The following DSCAML1 variants were observed in gnomAD, a reference collection of about 807,000 sequenced individuals.
DSCAML1 encodes DS cell adhesion molecule like 1, also known as cell adhesion molecule DSCAML1.
In DSCAML1, 38 loss-of-function variants were observed where a neutral mutation model predicts 200.5. The observed-to-expected ratio is 0.19, with a 90% CI of 0.15 to 0.25. DSCAML1 has a LOEUF of 0.25. DSCAML1 is among the 10% of genes least tolerant of loss of function. DSCAML1 has a pLI of 1.00. For missense variants in DSCAML1, 2,223 were observed against 2,858.8 expected (o/e 0.78, Z 5.07); for synonymous variants, 1,215 against 1,165.0 (o/e 1.04, Z -0.87).
At position 117,437,619 on chromosome 11, in the gene DSCAML1, G is replaced by A. The variant is rs2047947385; in HGVS notation, c.4433-210C>T. Among the ~76,000 whole-genome samples, 3 of 152,270 alleles carry A rather than the reference G, an allele frequency of 2.0e-5. No homozygotes were observed. In the South Asian group the frequency reaches 6.2e-4, roughly 32 times the overall value. ...GAGAGGGAAGAAAAGGGCAGGGCCT[G>A]GAGAGGGGCCTCAGTAGAGGAGGAA... On this transcript the variant is annotated intron_variant, in intron 25 of 32. Transcript: ENST00000651296. This position sits in a 1 kb window ranked among gnomAD's most constrained non-coding sequence, Gnocchi z 5.3.
chr11:117,628,913 C>T (rs2052111410), intron 3 of DSCAML1, among the ~76,000 whole-genome samples: 1 of 152,152 alleles, frequency 6.6e-6, no homozygotes, highest in South Asian at 2.1e-4. Flanking sequence ...AGACTCTAGG[C>T]TGCCTGGCTC....
At chr11:117,799,447 G>C (rs1434919689), upstream of DSCAML1, among the ~76,000 whole-genome samples, 1 of 152,108 alleles carries the variant, frequency 6.6e-6, no homozygotes, top group Non-Finnish European at 1.5e-5. Context: ...AGTGTAGGAG[G>C]CTTTATGCTA....
intron 1 of DSCAML1, among the ~76,000 whole-genome samples, chr11:117,785,805 T>TA (rs1211643557): frequency 3.1e-4 from 47 of 152,182 alleles, no homozygotes; most frequent in Admixed American, 3.1e-3. Flanking sequence ...TTTGACCATT[T>TA]AATCCTCACA....
chr11:117,790,594 G>A (rs2055443551), intron 1 of DSCAML1, among the ~76,000 whole-genome samples: 1 of 152,168 alleles, frequency 6.6e-6, no homozygotes, highest in African/African-American at 2.4e-5. Flanking sequence ...GGCTAAAACG[G>A]GTTTGCTGTG....
At chr11:117,440,798 G>A (rs1016100404) in intron 21 of DSCAML1, among the ~76,000 whole-genome samples, 41 of 152,174 alleles carry the variant, frequency 2.7e-4, no homozygotes, top group African/African-American at 9.4e-4. Context: ...GCAGGTGCCT[G>A]TAACCCCAGC....
intron 15 of DSCAML1, 123 bp downstream of exon 15, chr11:117,471,746 A>T: frequency 1.1e-6 from 1 of 878,378 alleles, no homozygotes; most frequent in South Asian, 3.0e-5. Context: ...ATCTGTTAGG[A>T]TGCTTTTCCC....
At chr11:117,774,324 A>G (rs2134041845) in intron 3 of DSCAML1, among the ~76,000 whole-genome samples, 1 of 152,254 alleles carries the variant, frequency 6.6e-6, no homozygotes. Flanking sequence ...GAACACAGAC[A>G]CCATTCCATA....
intron 1 of DSCAML1, among the ~76,000 whole-genome samples, chr11:117,791,165 C>T (rs2055458875): frequency 6.6e-6 from 1 of 152,142 alleles, no homozygotes; most frequent in Admixed American, 6.5e-5. Context: ...CCACAGCCTC[C>T]CCAACATGTA....
intron 14 of DSCAML1, among the ~76,000 whole-genome samples, chr11:117,478,091 A>G (rs1460194629): frequency 6.6e-6 from 1 of 152,222 alleles, no homozygotes; most frequent in Non-Finnish European, 1.5e-5. Context: ...GTGCTGTAAG[A>G]ATAGCATCTT....
At chr11:117,492,759 A>ACGGCAG (rs2049211093) in intron 11 of DSCAML1, among the ~76,000 whole-genome samples, 3 of 152,270 alleles carry the variant, frequency 2.0e-5, no homozygotes, top group Non-Finnish European at 2.9e-5. Flanking sequence ...TCAGCCTTCG[A>ACGGCAG]CGGCAGCGGC....
chr11:117,470,011 A>G (rs990829248), intron 15 of DSCAML1, 31 bp from the exon 16 acceptor site: 1 of 1,560,880 alleles, frequency 6.4e-7, no homozygotes, highest in Non-Finnish European at 8.7e-7. Context: ...GAGAAACATT[A>G]CAAGTCAAGA....
intron 3 of DSCAML1, among the ~76,000 whole-genome samples, chr11:117,656,268 C>T (rs1202753390): frequency 6.6e-6 from 1 of 152,182 alleles, no homozygotes; most frequent in Non-Finnish European, 1.5e-5. Flanking sequence ...AGGAGAGCAC[C>T]GGATCTGGAG....
rs969706110 is a variant in DSCAML1, at chr11:117,480,876, C to T, written c.2656+298G>A. Among the ~76,000 whole-genome samples, 1 of 152,202 alleles carries T rather than the reference C, an allele frequency of 6.6e-6. No individual in the cohort carries two copies. Among genetic ancestry groups the T allele is most frequent in the African/African-American group, 2.4e-5 (1 of 41,450 alleles). Reference sequence around the variant, plus strand: ...TCCCCAGCTTGACTTTCCCTTCCCACACCTGCTGCAGGGGCCTGGACCCAG... The same window carrying T: ...TCCCCAGCTTGACTTTCCCTTCCCATACCTGCTGCAGGGGCCTGGACCCAG... On this transcript the variant is annotated intron_variant, in intron 13 of 32. Transcript: ENST00000651296. The surrounding 1 kb of genome is among the most constrained non-coding windows in gnomAD (Gnocchi z 4.1).
At chr11:117,695,319 T>TC (rs200423513) in intron 3 of DSCAML1, among the ~76,000 whole-genome samples, 1,654 of 147,326 alleles carry the variant, frequency 0.011, 32 homozygotes, top group African/African-American at 0.04. Flanking sequence ...CTTTTTCTTT[T>TC]TTTTTTTTTT....
chr11:117,564,729 T>TC (rs1290624207), intron 3 of DSCAML1, among the ~76,000 whole-genome samples: 1 of 142,974 alleles, frequency 7.0e-6, no homozygotes, highest in Non-Finnish European at 1.6e-5. Flanking sequence ...TTTCCTTCCT[T>TC]CTTTCCTTCT....
rs141065503 is a variant in DSCAML1 at position 117,605,093 on chromosome 11, A to G, written c.512-72571T>C. On this transcript the variant is annotated intron_variant, in intron 3 of 32. Transcript: ENST00000651296. Reference sequence around the variant, plus strand: ...TCCCAGGCTGGAGTGCAGTGGCACAATCATAGCTCACTGCAGCCTCAAACT... The same window carrying G: ...TCCCAGGCTGGAGTGCAGTGGCACAGTCATAGCTCACTGCAGCCTCAAACT... Among the ~76,000 whole-genome samples the G allele has an allele frequency of 9.1e-3, 1,380 of 152,202 alleles. 19 individuals are homozygous for G. Among genetic ancestry groups the G allele is most frequent in the African/African-American group, 0.032 (1,313 of 41,538 alleles).
chr11:117,469,826 C>T lies in DSCAML1; in HGVS notation c.3024+84G>A. 1.5e-6 allele frequency: 2 copies of T among 1,300,578 alleles called. 1 individual carries two copies. The highest frequency in any genetic ancestry group is 3.6e-5 in the South Asian group (2 of 56,094). The allele number at this position is 1,300,578 out of a possible 1,614,324, so 80.6% of individuals were successfully genotyped here. A position where few individuals can be genotyped will look rare whatever the true frequency, so the allele number is the denominator to read the frequency against. ...GGCATCATATAAGACTAGAGACTAG[C>T]AAGCCTGCTGGGAGCTTTCGTCCTG... On this transcript the variant is annotated intron_variant, in intron 16 of 32. Coordinates refer to ENST00000651296, the MANE Select transcript of DSCAML1 (RefSeq NM_020693.4). This position sits in a 1 kb window ranked among gnomAD's most constrained non-coding sequence, Gnocchi z 4.1.
chr11:117,498,133 C>T lies in DSCAML1; in HGVS notation c.2359+5712G>A, dbSNP rs2049328053. On this transcript the variant is annotated intron_variant, in intron 11 of 32. Coordinates refer to ENST00000651296, the MANE Select transcript of DSCAML1 (RefSeq NM_020693.4). The surrounding 1 kb of genome is among the most constrained non-coding windows in gnomAD (Gnocchi z 4.0). ...CCAGGGAGGCGAAGACCAGCCCCAGCCCCCAAGGAGCTTCAGTCTGTGACG... is the reference window on the plus strand; with the variant it reads ...CCAGGGAGGCGAAGACCAGCCCCAGTCCCCAAGGAGCTTCAGTCTGTGACG... Among the ~76,000 whole-genome samples the T allele has an allele frequency of 6.6e-6, 1 of 152,194 alleles. No individual in the cohort carries two copies. The highest frequency in any genetic ancestry group is 2.4e-5 in the African/African-American group (1 of 41,452).
At chr11:117,444,711 A>G (rs1251363084) in intron 20 of DSCAML1, among the ~76,000 whole-genome samples, 1 of 152,254 alleles carries the variant, frequency 6.6e-6, no homozygotes. Flanking sequence ...CAACAAAACA[A>G]TATCGGATCC....
Sources: gnomAD v4.1 joint callset for allele counts (sites outside exome capture counted in the v4.1 genomes callset) on GRCh38, gnomAD v4.1.1 for gene constraint, Gnocchi (gnomAD v3.1) non-coding constraint, MANE v1.5 for transcripts, NCBI Gene and HGNC (gene_info 2026-07-23, HGNC 2026-07-21) for gene names.